Variants in ZC3H8 observed in about 807,000 individuals in gnomAD.
ZC3H8 encodes zinc finger CCCH-type containing 8.
In ZC3H8, 27 loss-of-function variants were observed where a neutral mutation model predicts 42.5. The ratio of observed to expected loss-of-function variants is 0.64; its 90% confidence interval spans 0.47 to 0.88. The LOEUF is 0.88. Among genes scored for constraint, ZC3H8 ranks in the 40% least tolerant of loss-of-function variants. ZC3H8 has a pLI of 0.00. For missense variants in ZC3H8, 277 were observed against 336.1 expected (o/e 0.82, Z 1.37); for synonymous variants, 101 against 110.1 (o/e 0.92, Z 0.52).
rs373957395 is a variant in ZC3H8, at chr2:112,236,545, A to G, written c.504+17T>C. ...CATGCAGGGGTCAGGTATTCCTAGA[A>G]GCATATATTCCAATACCTCTTCCTG... On this transcript the variant is annotated intron_variant, in intron 4 of 8. Coordinates refer to ENST00000409573, the MANE Select transcript of ZC3H8 (RefSeq NM_032494.3). 7 of 1,609,312 alleles carry G rather than the reference A, an allele frequency of 4.3e-6. No homozygotes were observed. Among genetic ancestry groups the G allele is most frequent in the African/African-American group, 1.3e-5 (1 of 74,680 alleles).
chr2:112,240,691 C>A (rs943232178), intron 2 of ZC3H8, among the ~76,000 whole-genome samples: 2 of 152,124 alleles, frequency 1.3e-5, no homozygotes, highest in East Asian at 3.8e-4. Flanking sequence ...TTTTATTATA[C>A]AGTAGGGATA....
chr2:112,228,151 G>T (rs968337835), intron 8 of ZC3H8, among the ~76,000 whole-genome samples: 1 of 152,162 alleles, frequency 6.6e-6, no homozygotes, highest in African/African-American at 2.4e-5. Context: ...TTTATAGTCA[G>T]CTGATTTTTG....
rs1166711844 is a variant in ZC3H8 at position 112,213,775 on chromosome 2, C to CAAAAA, written c.*2704_*2708dup. On this transcript the variant is annotated 3_prime_UTR_variant, in exon 9 of 9. Transcript: ENST00000409573. The stretch of plus-strand genomic sequence containing the variant: ...TGGGCGACAGAGCGAGACTCCGTCT[C>CAAAAA]AAAAAAAAAAAAAAAAAAAAAAAAA... 1.2e-4 allele frequency: 3 copies of CAAAAA among 24,066 alleles called. No individual in the cohort carries two copies. The highest frequency in any genetic ancestry group is 2.0e-4 in the African/African-American group (1 of 5,024). 1.5% of individuals were successfully genotyped at this position (24,066 alleles called of 1,614,324 possible).
rs1473101936 is a variant in ZC3H8, at chr2:112,215,906, A to G, written c.*578T>C. 6.6e-6 allele frequency: 1 copy of G among 152,228 alleles called. No individual in the cohort carries two copies. The highest frequency in any genetic ancestry group is 2.4e-5 in the African/African-American group (1 of 41,466). The allele number at this position is 152,228 out of a possible 1,614,324, so 9.4% of individuals were successfully genotyped here. On this transcript the variant is annotated 3_prime_UTR_variant, in exon 9 of 9. Coordinates refer to ENST00000409573, the MANE Select transcript of ZC3H8 (RefSeq NM_032494.3). ...GAGATATTGTTTCACTTTATTTATA[A>G]TAGTAAGAAACTGGAAACAAATGTC...
chr2:112,226,370 T>C (rs1340668821), intron 8 of ZC3H8, among the ~76,000 whole-genome samples: 2 of 151,708 alleles, frequency 1.3e-5, no homozygotes, highest in Non-Finnish European at 2.9e-5. Context: ...GGGCAGATCA[T>C]GAGGTCAGGA....
intron 8 of ZC3H8, among the ~76,000 whole-genome samples, chr2:112,227,110 C>T (rs1215774744): frequency 1.3e-5 from 2 of 152,218 alleles, no homozygotes; most frequent in Non-Finnish European, 2.9e-5. Flanking sequence ...AGACTGAATG[C>T]TTCTGCCAAA....
intron 8 of ZC3H8, among the ~76,000 whole-genome samples, chr2:112,222,225 A>C (rs778081458): frequency 2.0e-5 from 3 of 151,946 alleles, no homozygotes; most frequent in Non-Finnish European, 4.4e-5. Flanking sequence ...ACCTCAGTTG[A>C]CAGATAGGTT....
rs1434678119 is a variant in ZC3H8, at chr2:112,212,964, G to GTTTTTTTTTTTTTTTTTTTT, written c.*3519_*3520insAAAAAAAAAAAAAAAAAAAA. 2 of 99,438 alleles carry GTTTTTTTTTTTTTTTTTTTT rather than the reference G, an allele frequency of 2.0e-5. No homozygotes were observed. The highest frequency in any genetic ancestry group is 3.3e-4 in the South Asian group (1 of 3,058). 6.2% of individuals were successfully genotyped at this position (99,438 alleles called of 1,614,324 possible). ...TCAGCAAGCACAACTCAGAAGAAAT[G>GTTTTTTTTTTTTTTTTTTTT]CTTTTTTTTTTTTTTTTTTTTTTTA... is the stretch of plus-strand genomic sequence containing the variant. On this transcript the variant is annotated 3_prime_UTR_variant, in exon 9 of 9. Coordinates refer to ENST00000409573, the MANE Select transcript of ZC3H8 (RefSeq NM_032494.3).
chr2:112,252,673 C>A (rs1032418781), intron 1 of ZC3H8, among the ~76,000 whole-genome samples: 1 of 152,152 alleles, frequency 6.6e-6, no homozygotes, highest in African/African-American at 2.4e-5. Flanking sequence ...GCTGTCCTGG[C>A]CACTTTGCTC....
chr2:112,234,819 T>A (rs72831656), intron 4 of ZC3H8, among the ~76,000 whole-genome samples: 16,210 of 150,754 alleles, frequency 0.11, 1,165 homozygotes, highest in Non-Finnish European at 0.16. Flanking sequence ...AAAAAAAAAA[T>A]TAAATGAAAG....
At chr2:112,234,293 TTC>T in intron 4 of ZC3H8, 57 bp from the exon 5 acceptor site, 1 of 1,325,810 alleles carries the variant, frequency 7.5e-7, no homozygotes, top group Middle Eastern at 1.9e-4. Flanking sequence ...AAATATTTTA[TTC>T]TGTTGCACAA....
chr2:112,250,054 TA>T (rs1334362629), intron 2 of ZC3H8, 136 bp downstream of exon 2: 54 of 546,250 alleles, frequency 9.9e-5, no homozygotes, highest in Admixed American at 7.9e-4. Flanking sequence ...CAAATGCTGG[TA>T]AAATGAGACA....
At chr2:112,245,524 C>A (rs1458466459) in intron 2 of ZC3H8, among the ~76,000 whole-genome samples, 1 of 152,140 alleles carries the variant, frequency 6.6e-6, no homozygotes, top group East Asian at 1.9e-4. Flanking sequence ...TGTGATGGTG[C>A]ACACCCGTAG....
intron 4 of ZC3H8, 58 bp downstream of exon 4, chr2:112,236,504 A>G: frequency 1.3e-6 from 2 of 1,584,170 alleles, no homozygotes; most frequent in Non-Finnish European, 1.7e-6. Context: ...CTGAAGTATA[A>G]GATCAAGTCC....
At chr2:112,218,394 T>C (rs1460267701) in intron 8 of ZC3H8, among the ~76,000 whole-genome samples, 3 of 152,176 alleles carry the variant, frequency 2.0e-5, no homozygotes, top group Non-Finnish European at 4.4e-5. Context: ...TTGAGTATGG[T>C]GCATTCCTAT....
chr2:112,249,979 A>G (rs1188443415), intron 2 of ZC3H8: 1 of 375,540 alleles, frequency 2.7e-6, no homozygotes, highest in East Asian at 4.1e-5. Flanking sequence ...ATGACAATAA[A>G]GTTATTAAAT....
chr2:112,243,439 A>G (rs1427710492), intron 2 of ZC3H8, among the ~76,000 whole-genome samples: 3 of 152,234 alleles, frequency 2.0e-5, no homozygotes, highest in Non-Finnish European at 2.9e-5. Flanking sequence ...AGTATTGGGC[A>G]ATATCCATCT....
Position 112,254,943 on chromosome 2 carries a change from C to G in ZC3H8, c.39G>C (p.Pro13=), listed in dbSNP as rs1686073319. 2.5e-6 allele frequency: 4 copies of G among 1,613,252 alleles called. No individual in the cohort carries two copies. The highest frequency in any genetic ancestry group is 2.5e-6 in the Non-Finnish European group (3 of 1,179,630). ...FENLFSKPPN[P]ALGKTATDSD... ...AGTCCGTGGCCGTTTTGCCGAGGGC[C>G]GGGTTGGGGGGTTTTGAGAAAAGAT... The change falls in exon 1 of 9, where the codon CCG becomes CCC. Residue 13 remains proline, a synonymous_variant. Transcript: ENST00000409573.
intron 2 of ZC3H8, among the ~76,000 whole-genome samples, chr2:112,245,531 G>A (rs570703624): frequency 1.4e-4 from 22 of 152,196 alleles, no homozygotes; most frequent in Non-Finnish European, 2.6e-4. Context: ...GTGCACACCC[G>A]TAGTCCCAGC....
Sources: gnomAD v4.1 joint callset for allele counts (sites outside exome capture counted in the v4.1 genomes callset) on GRCh38, gnomAD v4.1.1 for gene constraint, MANE v1.5 for transcripts, NCBI Gene and HGNC (gene_info 2026-07-23, HGNC 2026-07-21) for gene names.